Variants in PSD observed in about 807,000 individuals in gnomAD.
PSD encodes pleckstrin and Sec7 domain containing, also known as PH and SEC7 domain-containing protein 1.
PSD carries 32 observed loss-of-function variants against 91.6 expected under a neutral mutation model. The observed-to-expected ratio is 0.35, with a 90% CI of 0.26 to 0.47. The LOEUF is 0.47. Ranked by LOEUF, PSD falls within the 20% of genes least tolerant of loss-of-function variation. PSD has a pLI of 1.00. For synonymous variants in PSD, 532 were observed against 569.3 expected (o/e 0.93, Z 0.93); for missense variants, 1,099 against 1,373.9 (o/e 0.80, Z 3.16).
Position 102,405,807 on chromosome 10 carries a change from T to C in PSD, c.2136-271A>G. On this transcript the variant is annotated intron_variant, in intron 11 of 16. Transcript: ENST00000020673. This position sits in a 1 kb window ranked among gnomAD's most constrained non-coding sequence, Gnocchi z 5.4. ...GTAGGGCCAGCACTATCCTCTCCAT[T>C]GCTGCACACCTGCAGCCCTCACACC... is the stretch of plus-strand genomic sequence containing the variant. The C allele has an allele frequency of 2.3e-6, 1 of 429,774 alleles. No homozygotes were observed. Among genetic ancestry groups the C allele is most frequent in the Non-Finnish European group, 4.2e-6 (1 of 236,946 alleles). 26.6% of individuals were successfully genotyped at this position (429,774 alleles called of 1,614,324 possible). A position where few individuals can be genotyped will look rare whatever the true frequency, so the allele number is the denominator to read the frequency against.
chr10:102,404,844 G>A lies in PSD; in HGVS notation c.2555+54C>T. ...AAAAAATCCAGGGACAGGGAGGGGA[G>A]CAGGATGGGAGGTGGGGGAAGGGGT... On this transcript the variant is annotated intron_variant, in intron 14 of 16. Coordinates refer to ENST00000020673, the MANE Select transcript of PSD (RefSeq NM_002779.5). This position sits in a 1 kb window ranked among gnomAD's most constrained non-coding sequence, Gnocchi z 5.7. 3 of 1,595,410 alleles carry A rather than the reference G, an allele frequency of 1.9e-6. No individual in the cohort carries two copies. Among genetic ancestry groups the A allele is most frequent in the Non-Finnish European group, 2.6e-6 (3 of 1,169,300 alleles).
At chr10:102,418,454 T>TC (rs1274931301) in intron 1 of PSD, among the ~76,000 whole-genome samples, 1 of 151,460 alleles carries the variant, frequency 6.6e-6, no homozygotes, top group Non-Finnish European at 1.5e-5. Flanking sequence ...CACCGTCCCC[T>TC]CCCCCCCACC....
intron 5 of PSD, 51 bp from the exon 6 acceptor site, chr10:102,412,626 T>G: frequency 6.7e-7 from 1 of 1,501,986 alleles, no homozygotes; most frequent in African/African-American, 1.4e-5. Flanking sequence ...TTAGGAGCCA[T>G]CCAGACCCTC....
At position 102,405,024 on chromosome 10, in the gene PSD, T is replaced by C. The variant is rs775970569; in HGVS notation, c.2429A>G (p.Glu810Gly). 26 of 1,614,056 alleles carry C rather than the reference T, an allele frequency of 1.6e-5. No homozygotes were observed. Among genetic ancestry groups the C allele is most frequent in the Non-Finnish European group, 1.9e-5 (22 of 1,179,964 alleles). Reference sequence around the variant, plus strand: ...GCTGATGGCATTCTTGAGCTCCGTCTCTGAAAGGGCCTTCCCAGGCTTGTA... The same window carrying C: ...GCTGATGGCATTCTTGAGCTCCGTCCCTGAAAGGGCCTTCCCAGGCTTGTA... ...EEYKPGKALS[E>G]TELKNAISIH... The change falls in exon 14 of 17, where the codon GAG becomes GGG. Residue 810 changes from glutamate to glycine, a missense_variant. Transcript: ENST00000020673. This position sits in a 1 kb window ranked among gnomAD's most constrained non-coding sequence, Gnocchi z 5.4.
chr10:102,407,462 G>A (rs939389289), intron 10 of PSD, among the ~76,000 whole-genome samples, 196 bp from the exon 11 acceptor site: 12 of 152,346 alleles, frequency 7.9e-5, no homozygotes, highest in African/African-American at 2.9e-4. Context: ...CTTCGGGCAA[G>A]TATCCATGGA....
intron 1 of PSD, 106 bp from the exon 2 acceptor site, chr10:102,417,227 A>T (rs1343230952): frequency 1.6e-5 from 9 of 574,752 alleles, no homozygotes; most frequent in Non-Finnish European, 2.8e-5. Context: ...AGTATCAGGG[A>T]CCTAGCACAC....
Position 102,405,133 on chromosome 10 carries a change from C to A in PSD, c.2397+50G>T, listed in dbSNP as rs1277534051. Reference sequence around the variant, plus strand: ...TCCTATTCCCACCCATCACCCCACACCCACCAGCCAACTCAGTCCCAGCCC... The same window carrying A: ...TCCTATTCCCACCCATCACCCCACAACCACCAGCCAACTCAGTCCCAGCCC... On this transcript the variant is annotated intron_variant, in intron 13 of 16. Coordinates refer to ENST00000020673, the MANE Select transcript of PSD (RefSeq NM_002779.5). The surrounding 1 kb of genome is among the most constrained non-coding windows in gnomAD (Gnocchi z 5.4). 4.3e-6 allele frequency: 7 copies of A among 1,610,440 alleles called. No homozygotes were observed. The highest frequency in any genetic ancestry group is 1.3e-5 in the African/African-American group (1 of 74,846).
At chr10:102,417,990 T>C (rs1008171403) in intron 1 of PSD, among the ~76,000 whole-genome samples, 1 of 151,988 alleles carries the variant, frequency 6.6e-6, no homozygotes, top group African/African-American at 2.4e-5. Context: ...ATTACAGGCG[T>C]GAGCCACCGC....
Position 102,407,263 on chromosome 10 carries a change from A to G in PSD, c.2095T>C (p.Leu699=), listed in dbSNP as rs766616015. The part of the protein sequence containing the change: ...GDFPRELLKA[L]YSSIKNEKLQ... Reference sequence around the variant, plus strand: ...TTCTCATTCTTGATGGAGCTGTACAAGGCCTGGGGGGTGGGGGGAACAAAT... The same window carrying G: ...TTCTCATTCTTGATGGAGCTGTACAGGGCCTGGGGGGTGGGGGGAACAAAT... Residue 699 remains leucine (L), a synonymous_variant, in exon 11 of 17, where the codon TTG becomes CTG. Transcript: ENST00000020673. 1.3e-6 allele frequency: 2 copies of G among 1,590,252 alleles called. No homozygotes were observed. Among genetic ancestry groups the G allele is most frequent in the Non-Finnish European group, 1.7e-6 (2 of 1,168,040 alleles).
intron 7 of PSD, 103 bp from the exon 8 acceptor site, chr10:102,411,922 G>T: frequency 1.0e-6 from 1 of 955,010 alleles, no homozygotes; most frequent in East Asian, 2.5e-5. Flanking sequence ...GGGTGGGAAG[G>T]GGAGGAGAGA....
rs541713762 is a variant in PSD at position 102,409,669 on chromosome 10, C to A, written c.2091+1189G>T. 2.9e-4 allele frequency among the ~76,000 whole-genome samples: 44 copies of A among 152,252 alleles called. 1 individual carries two copies. In the South Asian group the frequency reaches 8.9e-3, roughly 31 times the overall value. ...GCAGATACCCCACCCATATATAGAT[C>A]TGAAGTCACGTAACACACCTCGATT... On this transcript the variant is annotated intron_variant, in intron 10 of 16. Coordinates refer to ENST00000020673, the MANE Select transcript of PSD (RefSeq NM_002779.5). This position sits in a 1 kb window ranked among gnomAD's most constrained non-coding sequence, Gnocchi z 5.7.
chr10:102,406,639 C>T (rs1466588868), intron 11 of PSD, among the ~76,000 whole-genome samples: 1 of 152,134 alleles, frequency 6.6e-6, no homozygotes, highest in African/African-American at 2.4e-5. Flanking sequence ...TCCTGAGTAG[C>T]TGAGACTACA....
intron 10 of PSD, among the ~76,000 whole-genome samples, chr10:102,407,502 A>G (rs538945864): frequency 1.3e-5 from 2 of 152,352 alleles, no homozygotes; most frequent in African/African-American, 4.8e-5. Context: ...ATGTGGGCAC[A>G]GGCAGTTAGC....
At position 102,403,450 on chromosome 10, in the gene PSD, G is replaced by A. The variant is rs376672820; in HGVS notation, c.2845-20C>T. The A allele has an allele frequency of 5.7e-6, 9 of 1,583,324 alleles. No homozygotes were observed. Among genetic ancestry groups the A allele is most frequent in the African/African-American group, 5.4e-5 (4 of 74,562 alleles). Reference sequence around the variant, plus strand: ...GGATTTCTGAGGCAGAGGGGCAGGGGCTGTGAGAGCCTCTTCTCTGCCTTC... The same window carrying A: ...GGATTTCTGAGGCAGAGGGGCAGGGACTGTGAGAGCCTCTTCTCTGCCTTC... On this transcript the variant is annotated intron_variant, in intron 16 of 16. Transcript: ENST00000020673. This position sits in a 1 kb window ranked among gnomAD's most constrained non-coding sequence, Gnocchi z 6.7.
chr10:102,418,146 C>T (rs971880475), intron 1 of PSD, among the ~76,000 whole-genome samples: 76 of 150,662 alleles, frequency 5.0e-4, no homozygotes, highest in African/African-American at 1.8e-3. Flanking sequence ...CATTCATAGG[C>T]AACACCCTCT....
At chr10:102,418,263 T>TAC (rs2061509344) in intron 1 of PSD, among the ~76,000 whole-genome samples, 2 of 152,058 alleles carry the variant, frequency 1.3e-5, no homozygotes, top group Non-Finnish European at 1.5e-5. Flanking sequence ...ATGCTTGTTT[T>TAC]ACACACACAC....
Position 102,414,053 on chromosome 10 carries a change from G to A in PSD, c.1269C>T (p.Leu423=), listed in dbSNP as rs933380598. 47 of 1,613,978 alleles carry A rather than the reference G, an allele frequency of 2.9e-5. No individual in the cohort carries two copies. Among genetic ancestry groups the A allele is most frequent in the Non-Finnish European group, 3.6e-5 (43 of 1,179,954 alleles). The stretch of plus-strand genomic sequence containing the variant: ...GTGAGGCCAAGGCCTCCAGCGAGGC[G>A]AGGCTGGTATAGGAGGTGCCTTTGG... ...HRAKGTSYTS[L]ASLEALASPG... The change falls in exon 5 of 17, where the codon CTC becomes CTT. Residue 423 remains leucine (L), a synonymous_variant. Coordinates refer to ENST00000020673, the MANE Select transcript of PSD (RefSeq NM_002779.5). This position sits in a 1 kb window ranked among gnomAD's most constrained non-coding sequence, Gnocchi z 5.6.
At position 102,416,439 on chromosome 10, in the gene PSD, AG is replaced by A; in HGVS notation, c.599del (p.Pro200LeufsTer17). ...SSLPNGLGGP[P>X]ERLATLFGGP... The stretch of plus-strand genomic sequence containing the variant: ...CTCCGAAGAGTGTGGCCAGGCGCTC[AG>A]GGGGGCCCCCCAGCCCATTGGGGAG... On this transcript the variant is annotated frameshift_variant, in exon 2 of 17. Coordinates refer to ENST00000020673, the MANE Select transcript of PSD (RefSeq NM_002779.5). LOFTEE classifies it high-confidence loss of function. The surrounding 1 kb of genome is among the most constrained non-coding windows in gnomAD (Gnocchi z 6.0). 1 of 1,612,068 alleles carries A rather than the reference AG, an allele frequency of 6.2e-7. No homozygotes were observed. The highest frequency in any genetic ancestry group is 8.5e-7 in the Non-Finnish European group (1 of 1,179,214).
At position 102,403,180 on chromosome 10, in the gene PSD, T is replaced by TC; in HGVS notation, c.*19dup. ...CATCCTTCAGGTGCCCAGCAGGCAC[T>TC]CCCCACCCTAAACCTCATCTCAGGG... is the stretch of plus-strand genomic sequence containing the variant. On this transcript the variant is annotated 3_prime_UTR_variant, in exon 17 of 17. Transcript: ENST00000020673. This position sits in a 1 kb window ranked among gnomAD's most constrained non-coding sequence, Gnocchi z 6.7. The TC allele has an allele frequency of 2.7e-6, 4 of 1,482,994 alleles. No individual in the cohort carries two copies. The highest frequency in any genetic ancestry group is 3.6e-6 in the Non-Finnish European group (4 of 1,110,696). 91.9% of individuals were successfully genotyped at this position (1,482,994 alleles called of 1,614,324 possible). A position where few individuals can be genotyped will look rare whatever the true frequency, so the allele number is the denominator to read the frequency against.
Sources: allele counts gnomAD v4.1 joint callset (sites outside exome capture counted in the v4.1 genomes callset), GRCh38; gene constraint gnomAD v4.1.1; non-coding constraint Gnocchi (gnomAD v3.1); transcripts MANE v1.5; gene names NCBI Gene and HGNC (gene_info 2026-07-23, HGNC 2026-07-21).